Variants in SIK3 observed in about 807,000 individuals in gnomAD.
The protein encoded by SIK3 is SIK family kinase 3.
SIK3 carries 28 observed loss-of-function variants against 144.2 expected under a neutral mutation model. The ratio of observed to expected loss-of-function variants is 0.19; its 90% CI spans 0.14 to 0.27. The LOEUF (loss-of-function observed/expected upper bound fraction) is 0.27. Ranked by LOEUF, SIK3 falls within the 10% of genes least tolerant of loss-of-function variation. SIK3 has a pLI of 1.00. For synonymous variants in SIK3, 686 were observed against 676.3 expected, an observed-to-expected ratio of 1.01 and a Z score of -0.22; for missense variants, 1,319 against 1,776.0, an observed-to-expected ratio of 0.74 and a Z score of 4.62.
chr11:117,071,928 G>C lies in SIK3; in HGVS notation c.273+26215C>G, dbSNP rs953151559. Among the ~76,000 whole-genome samples, 7 of 151,090 alleles carry C rather than the reference G, an allele frequency of 4.6e-5. No homozygotes were observed. In the East Asian group the frequency reaches 1.4e-3, roughly 29 times the overall value. On this transcript the variant is annotated intron_variant, in intron 1 of 24. Coordinates refer to ENST00000445177, the MANE Select transcript of SIK3 (RefSeq NM_001366686.3). ...GCCACCACACCCAGCCAAGAGTTGT[G>C]TTTGTTTGTTTGTTTTAATGAAAGA... is the stretch of plus-strand genomic sequence containing the variant.
At chr11:116,876,523 C>T (rs1944264551) in intron 7 of SIK3, among the ~76,000 whole-genome samples, 160 bp from the exon 8 acceptor site, 1 of 152,190 alleles carries the variant, frequency 6.6e-6, no homozygotes, top group Non-Finnish European at 1.5e-5. Context: ...CAGCTGTAAA[C>T]AGACAACAAC....
chr11:116,927,155 T>C, intron 4 of SIK3, 64 bp downstream of exon 4: 1 of 1,227,200 alleles, frequency 8.1e-7, no homozygotes. Flanking sequence ...GATAATCCCT[T>C]GCTTATAGAA....
At chr11:116,854,077 T>G (rs914351345) in intron 21 of SIK3, among the ~76,000 whole-genome samples, 1 of 152,164 alleles carries the variant, frequency 6.6e-6, no homozygotes, top group East Asian at 1.9e-4. Context: ...AATACCAATA[T>G]GGCTGGGTGT....
chr11:116,898,745 ATG>A, intron 4 of SIK3, among the ~76,000 whole-genome samples: 1 of 150,280 alleles, frequency 6.7e-6, no homozygotes, highest in Non-Finnish European at 1.5e-5. Context: ...GCATTTTTTC[ATG>A]TGTTTTTTGG....
At chr11:116,863,537 T>C (rs1943464762) in intron 16 of SIK3, 131 bp downstream of exon 16, 1 of 1,362,466 alleles carries the variant, frequency 7.3e-7, no homozygotes, top group Non-Finnish European at 1.0e-6. Context: ...CCCAGAAAGC[T>C]ATACTTTTTT....
At chr11:116,889,007 G>T (rs754889735) in intron 6 of SIK3, among the ~76,000 whole-genome samples, 3 of 152,206 alleles carry the variant, frequency 2.0e-5, no homozygotes, top group Non-Finnish European at 2.9e-5. Context: ...GGATAGAAAA[G>T]ATCCAAGTTG....
intron 1 of SIK3, among the ~76,000 whole-genome samples, chr11:117,015,598 T>C (rs560728402): frequency 1.2e-3 from 175 of 149,082 alleles, no homozygotes; most frequent in Non-Finnish European, 1.8e-3. Flanking sequence ...TTTTGAGACG[T>C]TGTTTCACTC....
intron 1 of SIK3, among the ~76,000 whole-genome samples, chr11:116,960,226 T>C (rs748578127): frequency 6.6e-6 from 1 of 152,082 alleles, no homozygotes; most frequent in African/African-American, 2.4e-5. Context: ...CCAGAAGACA[T>C]TGAAAAGTGA....
chr11:117,087,109 G>A (rs1955049959), intron 1 of SIK3, among the ~76,000 whole-genome samples: 1 of 151,580 alleles, frequency 6.6e-6, no homozygotes, highest in South Asian at 2.1e-4. Context: ...CTTTATCAAA[G>A]ATCAGGAGAG....
chr11:117,013,907 G>GTGTGTGTGTGTGTGTGTGTGT (rs1485971413), intron 1 of SIK3, among the ~76,000 whole-genome samples: 1 of 44,904 alleles, frequency 2.2e-5, no homozygotes, highest in African/African-American at 6.9e-5. Flanking sequence ...TGAGGGGGGG[G>GTGTGTGTGTGTGTGTGTGTGT]GGGGGAGGGT....
At chr11:116,960,933 A>G (rs1293369984) in intron 1 of SIK3, among the ~76,000 whole-genome samples, 1 of 152,236 alleles carries the variant, frequency 6.6e-6, no homozygotes, top group Non-Finnish European at 1.5e-5. Context: ...GAAACACATC[A>G]ATTCCTTATT....
chr11:116,942,964 A>C (rs946861264), intron 3 of SIK3, among the ~76,000 whole-genome samples: 2 of 152,176 alleles, frequency 1.3e-5, no homozygotes, highest in African/African-American at 4.8e-5. Context: ...GAGACTATTT[A>C]AAGGCTACTG....
At chr11:116,887,998 C>T (rs1944915236) in intron 6 of SIK3, among the ~76,000 whole-genome samples, 1 of 152,198 alleles carries the variant, frequency 6.6e-6, no homozygotes, top group East Asian at 1.9e-4. Context: ...GAGGATACTT[C>T]ATTCCACACA....
At chr11:116,990,518 A>T (rs2135555393) in intron 1 of SIK3, among the ~76,000 whole-genome samples, 1 of 152,334 alleles carries the variant, frequency 6.6e-6, no homozygotes, top group East Asian at 1.9e-4. Flanking sequence ...AGTGCAAATT[A>T]CTTTATTGGC....
intron 1 of SIK3, among the ~76,000 whole-genome samples, chr11:116,963,700 T>G (rs1358180607): frequency 6.6e-6 from 1 of 152,168 alleles, no homozygotes; most frequent in Non-Finnish European, 1.5e-5. Context: ...TTCTCTTCAA[T>G]GCATCTAGAA....
chr11:117,049,634 C>T (rs1249783455), intron 1 of SIK3, among the ~76,000 whole-genome samples: 1 of 152,034 alleles, frequency 6.6e-6, no homozygotes, highest in South Asian at 2.1e-4. Flanking sequence ...ACCTTTTTTA[C>T]CCCTGAAAAT....
intron 1 of SIK3, among the ~76,000 whole-genome samples, chr11:117,010,059 G>A (rs1951194996): frequency 6.6e-6 from 1 of 151,828 alleles, no homozygotes; most frequent in Non-Finnish European, 1.5e-5. Flanking sequence ...TGGAGAAAAG[G>A]GTCACATGAT....
chr11:117,020,248 C>CATATATATATATATATATATATACAT, intron 1 of SIK3, among the ~76,000 whole-genome samples: 1 of 100,762 alleles, frequency 9.9e-6, no homozygotes, highest in Non-Finnish European at 2.0e-5. Context: ...TATATATATA[C>CATATATATATATATATATATATACAT]ACATACATAT....
intron 1 of SIK3, among the ~76,000 whole-genome samples, chr11:116,965,429 G>A (rs1220098292): frequency 1.3e-5 from 2 of 151,474 alleles, no homozygotes; most frequent in African/African-American, 2.4e-5. Flanking sequence ...TAAAAATAAA[G>A]GTCAATCAGG....
Sources: allele counts gnomAD v4.1 joint callset (sites outside exome capture counted in the v4.1 genomes callset), GRCh38; gene constraint gnomAD v4.1.1; transcripts MANE v1.5; gene names NCBI Gene and HGNC (gene_info 2026-07-23, HGNC 2026-07-21).